The following ATRNL1 variants were observed in gnomAD, a reference collection of about 807,000 sequenced individuals.
The protein encoded by ATRNL1 is attractin-like protein 1.
Under a neutral mutation model 182.7 loss-of-function variants are expected in ATRNL1, and 95 were observed. That is an observed-to-expected ratio of 0.52 (90% CI 0.44 to 0.62). ATRNL1 has a LOEUF of 0.62. Among genes scored for constraint, ATRNL1 ranks in the 20% least tolerant of loss-of-function variants. The pLI is 0.00. For synonymous variants in ATRNL1, 576 were observed against 568.3 expected, an observed-to-expected ratio of 1.01 and a Z score of -0.19; for missense variants, 1,471 against 1,679.5, an observed-to-expected ratio of 0.88 and a Z score of 2.17.
At chr10:115,234,639 T>C (rs1850099632) in intron 9 of ATRNL1, among the ~76,000 whole-genome samples, 1 of 150,742 alleles carries the variant, frequency 6.6e-6, no homozygotes, top group South Asian at 2.1e-4. Flanking sequence ...TGCCCATGCT[T>C]GAGAGCAGTG....
intron 24 of ATRNL1, among the ~76,000 whole-genome samples, chr10:115,480,449 A>G (rs892600266): frequency 2.6e-5 from 4 of 151,104 alleles, no homozygotes; most frequent in Non-Finnish European, 5.9e-5. Flanking sequence ...TTTCAAATAC[A>G]CTTTTTTCTT....
intron 24 of ATRNL1, among the ~76,000 whole-genome samples, chr10:115,509,870 C>G (rs1850301194): frequency 6.6e-6 from 1 of 151,946 alleles, no homozygotes; most frequent in Admixed American, 6.6e-5. Flanking sequence ...AAAGAAAAAT[C>G]TCTGGAAAGA....
intron 20 of ATRNL1, 34 bp from the exon 21 acceptor site, chr10:115,426,216 G>T (rs1554962856): frequency 1.3e-6 from 2 of 1,591,152 alleles, no homozygotes; most frequent in South Asian, 1.1e-5. Flanking sequence ...GAATTGCATT[G>T]TTTAATAGTA....
At chr10:115,787,192 T>C (rs1949417929) in intron 27 of ATRNL1, among the ~76,000 whole-genome samples, 1 of 152,164 alleles carries the variant, frequency 6.6e-6, no homozygotes, top group Admixed American at 6.6e-5. Flanking sequence ...GAAGCATCTT[T>C]GTATTCAATA....
rs116049729 is a variant in ATRNL1, at chr10:115,500,221, G to T, written c.3655-19042G>T. Among the ~76,000 whole-genome samples the T allele has an allele frequency of 4.6e-3, 707 of 152,278 alleles. 6 individuals are homozygous for T. Among genetic ancestry groups the T allele is most frequent in the African/African-American group, 0.016 (669 of 41,560 alleles). On this transcript the variant is annotated intron_variant, in intron 24 of 28. Coordinates refer to ENST00000355044, the MANE Select transcript of ATRNL1 (RefSeq NM_207303.4). Reference sequence around the variant, plus strand: ...TGTTACATTTTCTGAAGTTTAAGTTGTTTAGCTTTAGTTTGCAGGGCTTCA... The same window carrying T: ...TGTTACATTTTCTGAAGTTTAAGTTTTTTAGCTTTAGTTTGCAGGGCTTCA...
Position 115,442,270 on chromosome 10 carries a change from G to GCTCTCTCTCTCTCT in ATRNL1, c.3322+15989_3322+16002dup, listed in dbSNP as rs71895625. 8.0e-3 allele frequency among the ~76,000 whole-genome samples: 802 copies of GCTCTCTCTCTCTCT among 100,384 alleles called. 26 individuals are homozygous for GCTCTCTCTCTCTCT. Among genetic ancestry groups the GCTCTCTCTCTCTCT allele is most frequent in the African/African-American group, 0.032 (728 of 22,628 alleles). The allele number at this position is 100,384 out of a possible 152,430, so 65.9% of individuals were successfully genotyped here. A position where few individuals can be genotyped will look rare whatever the true frequency, so the allele number is the denominator to read the frequency against. On this transcript the variant is annotated intron_variant, in intron 21 of 28. Coordinates refer to ENST00000355044, the MANE Select transcript of ATRNL1 (RefSeq NM_207303.4). ...CGCAGCTTCATTTTCATTTGTGTTT[G>GCTCTCTCTCTCTCT]CTCTCTCTCTCTCTCTCTCTCTCTC...
At chr10:115,908,486 C>T (rs548938395) in intron 28 of ATRNL1, among the ~76,000 whole-genome samples, 1 of 152,124 alleles carries the variant, frequency 6.6e-6, no homozygotes, top group Non-Finnish European at 1.5e-5. Context: ...TCTTCTGCCT[C>T]CCTCTTCCCC....
intron 27 of ATRNL1, among the ~76,000 whole-genome samples, chr10:115,828,257 C>T (rs1168429862): frequency 3.3e-5 from 5 of 151,856 alleles, no homozygotes; most frequent in Non-Finnish European, 5.9e-5. Flanking sequence ...CCAGAGGTTG[C>T]GGTGAGCCGA....
At chr10:115,692,892 A>G (rs1191223667) in intron 26 of ATRNL1, among the ~76,000 whole-genome samples, 5 of 152,076 alleles carry the variant, frequency 3.3e-5, no homozygotes, top group African/African-American at 1.2e-4. Context: ...GATATAACCT[A>G]TGAGTAAAGG....
intron 20 of ATRNL1, among the ~76,000 whole-genome samples, chr10:115,415,792 G>T (rs1208498061): frequency 2.6e-5 from 4 of 151,800 alleles, no homozygotes; most frequent in African/African-American, 9.7e-5. Context: ...CTATCAAGTT[G>T]TCTTAATTTA....
intron 8 of ATRNL1, among the ~76,000 whole-genome samples, chr10:115,182,430 G>GA (rs1847783820): frequency 6.6e-6 from 1 of 151,440 alleles, no homozygotes; most frequent in East Asian, 1.9e-4. Context: ...TATCAAATAG[G>GA]AAAAAACTCA....
intron 27 of ATRNL1, among the ~76,000 whole-genome samples, chr10:115,752,427 A>G (rs1948473983): frequency 6.6e-6 from 1 of 152,052 alleles, no homozygotes; most frequent in South Asian, 2.1e-4. Context: ...GGGTTCAGTG[A>G]TTTTTAAAAC....
chr10:115,541,423 A>C (rs1554991945), intron 25 of ATRNL1, among the ~76,000 whole-genome samples: 1 of 152,214 alleles, frequency 6.6e-6, no homozygotes, highest in Non-Finnish European at 1.5e-5. Context: ...GTTGGAGAGG[A>C]TGCAGAACTA....
rs541166852 is a variant in ATRNL1, at chr10:115,686,454, G to T, written c.3796-40794G>T. Among the ~76,000 whole-genome samples the T allele has an allele frequency of 2.6e-5, 4 of 152,020 alleles. No individual in the cohort carries two copies. The South Asian group carries it at 8.3e-4, about 31-fold the overall frequency. On this transcript the variant is annotated intron_variant, in intron 26 of 28. Coordinates refer to ENST00000355044, the MANE Select transcript of ATRNL1 (RefSeq NM_207303.4). ...TCCTTATGGGAAAATGAGAGGGTTT[G>T]GTAAGACCTGCTATTAACCTTCATT...
rs374567750 is a variant in ATRNL1, at chr10:115,643,634, T to A, written c.3796-83614T>A. ...GCAGTTTTTAAAAAGGGCAAAAGAT[T>A]TGAGTAGACACTTTAACAAAGAAGA... is the stretch of plus-strand genomic sequence containing the variant. On this transcript the variant is annotated intron_variant, in intron 26 of 28. Coordinates refer to ENST00000355044, the MANE Select transcript of ATRNL1 (RefSeq NM_207303.4). Among the ~76,000 whole-genome samples, 39 of 152,208 alleles carry A rather than the reference T, an allele frequency of 2.6e-4. 1 individual carries two copies. The South Asian group carries it at 7.9e-3, about 31-fold the overall frequency.
At chr10:115,705,652 G>A (rs956652691) in intron 26 of ATRNL1, among the ~76,000 whole-genome samples, 12 of 151,768 alleles carry the variant, frequency 7.9e-5, no homozygotes, top group Admixed American at 7.3e-4. Flanking sequence ...TAAGATTACT[G>A]CACTATAGAT....
intron 27 of ATRNL1, among the ~76,000 whole-genome samples, chr10:115,808,758 C>G (rs1337557065): frequency 2.6e-5 from 4 of 152,108 alleles, no homozygotes; most frequent in African/African-American, 9.7e-5. Context: ...TTCCATTTCC[C>G]TCATGACTTC....
intron 9 of ATRNL1, among the ~76,000 whole-genome samples, chr10:115,239,533 G>C (rs1850324852): frequency 6.6e-6 from 1 of 151,940 alleles, no homozygotes; most frequent in Non-Finnish European, 1.5e-5. Context: ...GCCCGGCCGG[G>C]GCTGTATTTT....
chr10:115,477,997 G>A (rs1180356660), intron 24 of ATRNL1, among the ~76,000 whole-genome samples: 2 of 151,628 alleles, frequency 1.3e-5, no homozygotes, highest in Non-Finnish European at 3.0e-5. Flanking sequence ...AAGAACACGG[G>A]TTCTAAGTCA....
Sources: allele counts gnomAD v4.1 joint callset (sites outside exome capture counted in the v4.1 genomes callset), GRCh38; gene constraint gnomAD v4.1.1; transcripts MANE v1.5; gene names NCBI Gene and HGNC (gene_info 2026-07-23, HGNC 2026-07-21).